The following KLHL13 variants were observed in gnomAD, a reference collection of about 807,000 sequenced individuals.
The protein encoded by KLHL13 is kelch-like protein 13.
A neutral mutation model predicts 37.1 loss-of-function variants in KLHL13; 10 were observed. The observed-to-expected ratio is 0.27, with a 90% confidence interval of 0.17 to 0.46. The LOEUF (loss-of-function observed/expected upper bound fraction) is 0.46, where lower values mean the gene tolerates loss of function less well. Ranked by LOEUF, KLHL13 falls within the 20% of genes least tolerant of loss-of-function variation. The pLI, the probability that KLHL13 is intolerant of heterozygous loss-of-function variation, is 1.00. For missense variants in KLHL13, 360 were observed against 509.3 expected (o/e 0.71, Z 2.82); for synonymous variants, 163 against 181.2 (o/e 0.90, Z 0.81).
chrX:118,112,716 A>G (rs141954687), intron 1 of KLHL13, among the ~76,000 whole-genome samples: 8,273 of 111,439 alleles, frequency 0.074, 260 homozygotes, highest in Middle Eastern at 0.13. Flanking sequence ...CAATATTAGG[A>G]TTTACTCCTA....
chrX:117,968,432 T>C (rs2053472579), intron 1 of KLHL13, among the ~76,000 whole-genome samples: 1 of 111,870 alleles, frequency 8.9e-6, no homozygotes, highest in South Asian at 3.7e-4. Flanking sequence ...TGATTTTCCA[T>C]TAATAAATGA....
intron 1 of KLHL13, among the ~76,000 whole-genome samples, chrX:118,016,177 T>A (rs1218632628): frequency 2.7e-5 from 3 of 111,958 alleles, no homozygotes; most frequent in Non-Finnish European, 5.7e-5. Flanking sequence ...AAGATTTCCA[T>A]CTTCCAATTC....
chrX:118,022,841 C>A (rs1236682913), intron 1 of KLHL13, among the ~76,000 whole-genome samples: 1 of 111,098 alleles, frequency 9.0e-6, no homozygotes, highest in African/African-American at 3.3e-5. Flanking sequence ...TTATGTAGTC[C>A]CAACTTGTTT....
chrX:118,010,619 T>C (rs1290882209), intron 1 of KLHL13, among the ~76,000 whole-genome samples: 1 of 75,286 alleles, frequency 1.3e-5, no homozygotes, highest in African/African-American at 4.9e-5. Context: ...AGGGATAGCA[T>C]TGGGAGATAT....
At position 117,898,766 on chromosome X, in the gene KLHL13, C is replaced by CATCAATG. The variant is rs369206979; in HGVS notation, c.*135_*141dup. The CATCAATG allele has an allele frequency of 4.3e-5, 29 of 677,626 alleles. 1 individual carries two copies. The African/African-American group carries it at 4.4e-4, about 10-fold the overall frequency. The allele number at this position is 677,626 out of a possible 1,213,427, so 55.8% of individuals were successfully genotyped here. ...TAGGCCAAACAAAGAGCACAAATAA[C>CATCAATG]ATCAATGTTGTCTTTTTTCCAATAT... On this transcript the variant is annotated 3_prime_UTR_variant, in exon 7 of 7. Transcript: ENST00000262820.
At chrX:117,909,216 A>AT (rs2091479937) in intron 5 of KLHL13, 85 bp downstream of exon 6, 2 of 813,038 alleles carry the variant, frequency 2.5e-6, no homozygotes, top group Non-Finnish European at 3.4e-6. Flanking sequence ...TTTTTATCTG[A>AT]TTTTACAGGA....
intron 1 of KLHL13, among the ~76,000 whole-genome samples, chrX:117,979,733 T>A (rs988368130): frequency 3.6e-5 from 4 of 111,463 alleles, no homozygotes; most frequent in Non-Finnish European, 5.7e-5. Context: ...TGAAAAAATA[T>A]GTAGAAACAT....
chrX:118,114,240 T>C (rs1031103432), intron 1 of KLHL13, among the ~76,000 whole-genome samples: 3 of 112,478 alleles, frequency 2.7e-5, no homozygotes, highest in Non-Finnish European at 5.6e-5. Flanking sequence ...TGAAGAAGCA[T>C]AATTTGAAAT....
chrX:118,035,112 C>A (rs1056773861), intron 1 of KLHL13, among the ~76,000 whole-genome samples: 1 of 103,888 alleles, frequency 9.6e-6, no homozygotes, highest in Non-Finnish European at 1.9e-5. Flanking sequence ...GGTTTACCAA[C>A]CAAAAAGAGT....
intron 1 of KLHL13, among the ~76,000 whole-genome samples, chrX:118,035,021 ACT>A (rs1470043676): frequency 1.1e-5 from 1 of 94,642 alleles, no homozygotes; most frequent in East Asian, 2.9e-4. Flanking sequence ...TGACACATAC[ACT>A]CTCCCAAGAC....
At chrX:118,020,853 A>C (rs2054198125) in intron 1 of KLHL13, among the ~76,000 whole-genome samples, 1 of 109,142 alleles carries the variant, frequency 9.2e-6, no homozygotes, top group Non-Finnish European at 1.9e-5. Context: ...GACATGGATG[A>C]AGCTAGAAAC....
At chrX:118,094,859 C>T (rs2055182797) in intron 1 of KLHL13, among the ~76,000 whole-genome samples, 1 of 111,227 alleles carries the variant, frequency 9.0e-6, no homozygotes, top group South Asian at 3.8e-4. Flanking sequence ...TTGTCACCAC[C>T]AGGCCTGCCC....
At chrX:118,017,033 G>A (rs1332458529) in intron 1 of KLHL13, among the ~76,000 whole-genome samples, 1 of 110,450 alleles carries the variant, frequency 9.1e-6, no homozygotes, top group African/African-American at 3.3e-5. Flanking sequence ...CTGATCACTG[G>A]TCTCCTAATT....
intron 1 of KLHL13, among the ~76,000 whole-genome samples, chrX:118,020,187 TCTC>T (rs1286214638): frequency 9.2e-6 from 1 of 108,330 alleles, no homozygotes; most frequent in Non-Finnish European, 1.9e-5. Context: ...GGTTTGTAGT[TCTC>T]CTTGAAGAGG....
chrX:117,961,801 G>C (rs755011705), intron 1 of KLHL13, among the ~76,000 whole-genome samples: 129 of 110,918 alleles, frequency 1.2e-3, no homozygotes, highest in African/African-American at 3.7e-3. Context: ...ACGGAATTTT[G>C]TCAATGACAG....
At chrX:117,901,705 A>T (rs1930103508) in intron 6 of KLHL13, 128 bp downstream of exon 7, 4 of 341,425 alleles carry the variant, frequency 1.2e-5, no homozygotes, top group Non-Finnish European at 1.6e-5. Context: ...GGATTTCACC[A>T]TGTTGGCCCG....
rs1232791629 is a variant in KLHL13, at chrX:118,043,589, AAATC to A, written c.-56+72915_-56+72918del. On this transcript the variant is annotated intron_variant, in intron 1 of 6. Coordinates refer to the KLHL13 transcript ENST00000371882. ...GATGCAAGGATGGTTCAACATACATAAATCAATCAATGTGGTATATAATATCAAT... is the reference window on the plus strand; with the variant it reads ...GATGCAAGGATGGTTCAACATACATAAATCAATGTGGTATATAATATCAAT... 2.7e-5 allele frequency among the ~76,000 whole-genome samples: 3 copies of A among 112,270 alleles called. No homozygotes were observed. In the Admixed American group the frequency reaches 2.8e-4, roughly 11 times the overall value.
intron 1 of KLHL13, among the ~76,000 whole-genome samples, chrX:117,964,895 T>C (rs1437556416): frequency 1.8e-5 from 2 of 111,502 alleles, no homozygotes; most frequent in Non-Finnish European, 3.8e-5. Flanking sequence ...GCTTCATCCA[T>C]GTCCCTACAA....
chrX:117,989,652 G>A (rs1602629738), intron 1 of KLHL13, among the ~76,000 whole-genome samples: 1 of 110,757 alleles, frequency 9.0e-6, no homozygotes, highest in East Asian at 2.8e-4. Context: ...CTAGTAATTA[G>A]CAATTTCTTG....
Sources: gnomAD v4.1 joint callset for allele counts (sites outside exome capture counted in the v4.1 genomes callset) on GRCh38, gnomAD v4.1.1 for gene constraint, MANE v1.5 for transcripts, NCBI Gene and HGNC (gene_info 2026-07-23, HGNC 2026-07-21) for gene names.